The following FBXL7 variants were observed in gnomAD, a reference collection of about 807,000 sequenced individuals.
FBXL7 encodes the protein F-box and leucine rich repeat protein 7.
A neutral mutation model predicts 38.3 loss-of-function variants in FBXL7; 12 were observed. That is an observed-to-expected ratio of 0.31 (90% CI 0.20 to 0.51). FBXL7 has a LOEUF of 0.51. Among genes scored for constraint, FBXL7 ranks in the 20% least tolerant of loss-of-function variants. The pLI is 0.98. For missense variants in FBXL7, 567 were observed against 676.4 expected (o/e 0.84, Z 1.79); for synonymous variants, 297 against 300.9 (o/e 0.99, Z 0.13).
intron 2 of FBXL7, among the ~76,000 whole-genome samples, chr5:15,786,265 T>A: frequency 6.6e-6 from 1 of 151,964 alleles, no homozygotes; most frequent in East Asian, 1.9e-4. Flanking sequence ...GTTTCCTCCT[T>A]CCCTCCCTCC....
intron 2 of FBXL7, among the ~76,000 whole-genome samples, chr5:15,673,281 AC>A (rs889593555): frequency 1.6e-4 from 24 of 151,886 alleles, no homozygotes; most frequent in African/African-American, 5.8e-4. Context: ...ACACTACTAC[AC>A]TCCAGCCTGG....
chr5:15,671,247 G>T (rs1418183012), intron 2 of FBXL7, among the ~76,000 whole-genome samples: 2 of 152,080 alleles, frequency 1.3e-5, no homozygotes, highest in African/African-American at 2.4e-5. Context: ...ATGATATACT[G>T]GTTCCTAAGC....
At chr5:15,508,279 G>T (rs948302941) in intron 1 of FBXL7, among the ~76,000 whole-genome samples, 6 of 152,166 alleles carry the variant, frequency 3.9e-5, no homozygotes, top group Non-Finnish European at 7.3e-5. Flanking sequence ...CACAGTACAG[G>T]TTCTACTCAA....
At chr5:15,717,740 A>G (rs568498649) in intron 2 of FBXL7, among the ~76,000 whole-genome samples, 1 of 152,342 alleles carries the variant, frequency 6.6e-6, no homozygotes, top group South Asian at 2.1e-4. Context: ...AATCAAACAC[A>G]CAACTTCAGA....
chr5:15,625,970 G>A (rs953684672), intron 2 of FBXL7, among the ~76,000 whole-genome samples: 1 of 152,132 alleles, frequency 6.6e-6, no homozygotes, highest in African/African-American at 2.4e-5. Context: ...ATTGCGTGGG[G>A]GGCCTTAAGA....
At chr5:15,622,410 A>G (rs193100954) in intron 2 of FBXL7, among the ~76,000 whole-genome samples, 5 of 152,192 alleles carry the variant, frequency 3.3e-5, no homozygotes, top group African/African-American at 4.8e-5. Context: ...TACATTAGGT[A>G]TATCTCCTAA....
intron 2 of FBXL7, among the ~76,000 whole-genome samples, chr5:15,760,289 A>T (rs996801296): frequency 1.3e-5 from 2 of 152,080 alleles, no homozygotes; most frequent in African/African-American, 4.8e-5. Flanking sequence ...TAGGAAAATG[A>T]TTAGCTGTGG....
chr5:15,916,454 C>A lies in FBXL7; in HGVS notation c.128-11436C>A, dbSNP rs1241929019. 2.0e-5 allele frequency among the ~76,000 whole-genome samples: 3 copies of A among 152,026 alleles called. No homozygotes were observed. In the East Asian group the frequency reaches 5.8e-4, roughly 29 times the overall value. ...TGCTGAAGCCTTGTGGGCCGTGAGC[C>A]CATCGAGCAGGGAGCCAGATACAGA... On this transcript the variant is annotated intron_variant, in intron 2 of 3. Coordinates refer to ENST00000504595, the MANE Select transcript of FBXL7 (RefSeq NM_012304.5).
At chr5:15,783,409 G>A (rs983165407) in intron 2 of FBXL7, among the ~76,000 whole-genome samples, 1 of 152,202 alleles carries the variant, frequency 6.6e-6, no homozygotes, top group Non-Finnish European at 1.5e-5. Context: ...TGTCGAAGGT[G>A]ACATCAAGGT....
chr5:15,759,584 C>T (rs1579439963), intron 2 of FBXL7, among the ~76,000 whole-genome samples: 2 of 152,052 alleles, frequency 1.3e-5, no homozygotes, highest in Admixed American at 6.6e-5. Flanking sequence ...TTTCCGGACT[C>T]GGTCGTGTAT....
At chr5:15,836,363 A>T (rs537879953) in intron 2 of FBXL7, among the ~76,000 whole-genome samples, 1 of 152,308 alleles carries the variant, frequency 6.6e-6, no homozygotes, top group Non-Finnish European at 1.5e-5. Flanking sequence ...TAGTATTTTG[A>T]AAGGTGATGA....
chr5:15,757,461 A>AAGACATCACG (rs1736327931), intron 2 of FBXL7, among the ~76,000 whole-genome samples: 1 of 151,952 alleles, frequency 6.6e-6, no homozygotes, highest in Non-Finnish European at 1.5e-5. Context: ...TATGGAGTCC[A>AAGACATCACG]GAAGACATCA....
intron 1 of FBXL7, among the ~76,000 whole-genome samples, chr5:15,518,837 A>C (rs1737016849): frequency 6.6e-6 from 1 of 152,136 alleles, no homozygotes; most frequent in Non-Finnish European, 1.5e-5. Context: ...TTGTTCATCT[A>C]AATTGTTCAT....
At chr5:15,681,771 A>AT (rs1256867976) in intron 2 of FBXL7, among the ~76,000 whole-genome samples, 2 of 152,190 alleles carry the variant, frequency 1.3e-5, no homozygotes, top group Non-Finnish European at 2.9e-5. Flanking sequence ...GCTGGTTTTG[A>AT]TTTTTTGTTT....
At chr5:15,914,001 C>T (rs1324301792) in intron 2 of FBXL7, among the ~76,000 whole-genome samples, 1 of 152,162 alleles carries the variant, frequency 6.6e-6, no homozygotes, top group African/African-American at 2.4e-5. Context: ...AACTAAATTT[C>T]AACAGTAGAG....
chr5:15,510,334 TG>T (rs1298613015), intron 1 of FBXL7, among the ~76,000 whole-genome samples: 2 of 152,350 alleles, frequency 1.3e-5, no homozygotes, highest in Admixed American at 6.5e-5. Context: ...ATTTGTGGAT[TG>T]GCCCTTTTGC....
At chr5:15,892,494 G>A (rs1482543978) in intron 2 of FBXL7, among the ~76,000 whole-genome samples, 1 of 152,164 alleles carries the variant, frequency 6.6e-6, no homozygotes, top group African/African-American at 2.4e-5. Context: ...AGGTCAGATG[G>A]GAGACTGGTA....
chr5:15,609,937 G>A (rs957858227), intron 1 of FBXL7, among the ~76,000 whole-genome samples: 2 of 152,186 alleles, frequency 1.3e-5, no homozygotes, highest in African/African-American at 4.8e-5. Context: ...AGAAAAAGAG[G>A]TGTAATGGAC....
At chr5:15,803,317 GTCT>G (rs1192494110) in intron 2 of FBXL7, among the ~76,000 whole-genome samples, 3 of 151,976 alleles carry the variant, frequency 2.0e-5, no homozygotes, top group Admixed American at 6.6e-5. Context: ...ACATCACTCT[GTCT>G]TCTTCTTCAA....
Sources: allele counts gnomAD v4.1 joint callset (sites outside exome capture counted in the v4.1 genomes callset), GRCh38; gene constraint gnomAD v4.1.1; transcripts MANE v1.5; gene names NCBI Gene and HGNC (gene_info 2026-07-23, HGNC 2026-07-21).